UNC5C: variants seen among roughly 807,000 people sequenced by gnomAD.
The protein encoded by UNC5C is netrin receptor UNC5C.
A neutral mutation model predicts 99.8 loss-of-function variants in UNC5C; 47 were observed. The observed-to-expected ratio is 0.47, with a 90% CI of 0.37 to 0.60. The LOEUF (loss-of-function observed/expected upper bound fraction) is 0.60. Ranked by LOEUF, UNC5C falls within the 20% of genes least tolerant of loss-of-function variation. The pLI is 0.00. For synonymous variants in UNC5C, 487 were observed against 452.2 expected, an observed-to-expected ratio of 1.08 and a Z score of -0.98; for missense variants, 1,062 against 1,165.9, an observed-to-expected ratio of 0.91 and a Z score of 1.30.
intron 1 of UNC5C, among the ~76,000 whole-genome samples, chr4:95,424,745 G>C (rs1295453630): frequency 6.6e-6 from 1 of 151,630 alleles, no homozygotes; most frequent in South Asian, 2.1e-4. Flanking sequence ...GGATGGTCTG[G>C]ATCTCCTGAC....
intron 4 of UNC5C, among the ~76,000 whole-genome samples, chr4:95,255,223 G>T (rs1394465377): frequency 6.6e-6 from 1 of 151,936 alleles, no homozygotes; most frequent in African/African-American, 2.4e-5. Flanking sequence ...CAAGTGATCT[G>T]CCTGCCTTGG....
At chr4:95,315,179 G>A (rs1369755057) in intron 2 of UNC5C, among the ~76,000 whole-genome samples, 1 of 152,048 alleles carries the variant, frequency 6.6e-6, no homozygotes, top group African/African-American at 2.4e-5. Context: ...AACCTACTGT[G>A]TGCCAAGCAT....
chr4:95,264,264 T>C (rs1307428983), intron 4 of UNC5C, among the ~76,000 whole-genome samples: 1 of 152,176 alleles, frequency 6.6e-6, no homozygotes, highest in African/African-American at 2.4e-5. Flanking sequence ...AGAAAGTTTA[T>C]TCAGAAGACA....
chr4:95,186,580 A>G (rs1328367900), intron 12 of UNC5C, among the ~76,000 whole-genome samples: 1 of 152,222 alleles, frequency 6.6e-6, no homozygotes, highest in Non-Finnish European at 1.5e-5. Context: ...TTGGTGAGGC[A>G]ACTATTCTGA....
At chr4:95,169,672 T>C (rs774345520) in intron 15 of UNC5C, among the ~76,000 whole-genome samples, 2 of 152,218 alleles carry the variant, frequency 1.3e-5, no homozygotes, top group Non-Finnish European at 1.5e-5. Flanking sequence ...AAGAGACTTA[T>C]GTTTTCTTTC....
intron 3 of UNC5C, among the ~76,000 whole-genome samples, chr4:95,279,120 C>T (rs990219432): frequency 6.6e-6 from 1 of 152,106 alleles, no homozygotes; most frequent in African/African-American, 2.4e-5. Flanking sequence ...TTGATTAATA[C>T]TCTAAGTGAG....
At chr4:95,417,497 T>C (rs1447361556) in intron 1 of UNC5C, among the ~76,000 whole-genome samples, 1 of 152,184 alleles carries the variant, frequency 6.6e-6, no homozygotes, top group African/African-American at 2.4e-5. Context: ...TCTTTCAAAA[T>C]GTTTCCTTGG....
intron 1 of UNC5C, among the ~76,000 whole-genome samples, chr4:95,475,347 GA>G (rs1748110185): frequency 6.6e-6 from 1 of 151,856 alleles, no homozygotes; most frequent in Admixed American, 6.6e-5. Flanking sequence ...GGGAAATTGG[GA>G]AATTGAAGTT....
intron 1 of UNC5C, among the ~76,000 whole-genome samples, chr4:95,469,330 A>ACCAT (rs1375512116): frequency 2.0e-5 from 3 of 152,104 alleles, no homozygotes; most frequent in African/African-American, 7.2e-5. Flanking sequence ...AAATTATCGA[A>ACCAT]CCATCCTTTG....
chr4:95,277,567 T>C (rs766873810), intron 4 of UNC5C, among the ~76,000 whole-genome samples: 6 of 152,234 alleles, frequency 3.9e-5, no homozygotes, highest in Non-Finnish European at 8.8e-5. Context: ...CAATCTCTTC[T>C]GGGTCACAGA....
At chr4:95,545,772 G>GCGCGCACACACACACA (rs6148582) in intron 1 of UNC5C, among the ~76,000 whole-genome samples, 3 of 148,314 alleles carry the variant, frequency 2.0e-5, no homozygotes, top group Admixed American at 6.7e-5. Context: ...GCGCGCGCGC[G>GCGCGCACACACACACA]CACACACACA....
chr4:95,258,879 A>G (rs2149385624), intron 4 of UNC5C, among the ~76,000 whole-genome samples: 1 of 145,750 alleles, frequency 6.9e-6, no homozygotes, highest in Non-Finnish European at 1.5e-5. Flanking sequence ...CTCCTGCCTC[A>G]GCCTCCCGAG....
intron 1 of UNC5C, among the ~76,000 whole-genome samples, chr4:95,337,901 C>T (rs775133079): frequency 6.6e-6 from 1 of 151,936 alleles, no homozygotes; most frequent in African/African-American, 2.4e-5. Context: ...CCTTAGCCAA[C>T]CACAGCATAG....
chr4:95,536,307 C>T (rs926867775), intron 1 of UNC5C, among the ~76,000 whole-genome samples: 8 of 151,946 alleles, frequency 5.3e-5, no homozygotes, highest in Admixed American at 1.3e-4. Context: ...AACTCCTGAC[C>T]TCAGGCGATC....
At chr4:95,473,048 G>C (rs1560846495) in intron 1 of UNC5C, among the ~76,000 whole-genome samples, 1 of 151,918 alleles carries the variant, frequency 6.6e-6, no homozygotes, top group Non-Finnish European at 1.5e-5. Context: ...CTTATACCTT[G>C]CTCCCAACAG....
At chr4:95,195,668 G>A (rs1354003788) in intron 12 of UNC5C, among the ~76,000 whole-genome samples, 1 of 152,146 alleles carries the variant, frequency 6.6e-6, no homozygotes, top group Non-Finnish European at 1.5e-5. Flanking sequence ...CCTTCTCCCT[G>A]TAACAAGCCA....
chr4:95,386,146 G>T (rs2149443546), intron 1 of UNC5C, among the ~76,000 whole-genome samples: 1 of 152,000 alleles, frequency 6.6e-6, no homozygotes, highest in Non-Finnish European at 1.5e-5. Context: ...CCATCTCTTT[G>T]TTCCTTCTGT....
At chr4:95,402,779 A>C (rs1178298638) in intron 1 of UNC5C, among the ~76,000 whole-genome samples, 1 of 152,164 alleles carries the variant, frequency 6.6e-6, no homozygotes, top group African/African-American at 2.4e-5. Context: ...AATTAGCTAA[A>C]CCTTTCTAAA....
intron 14 of UNC5C, 98 bp from the exon 15 acceptor site, chr4:95,170,430 A>C: frequency 7.3e-7 from 1 of 1,360,610 alleles, no homozygotes. Context: ...GAGTGATAAG[A>C]AAAGAATGAA....
Sources: allele counts gnomAD v4.1 joint callset (sites outside exome capture counted in the v4.1 genomes callset), GRCh38; gene constraint gnomAD v4.1.1; transcripts MANE v1.5; gene names NCBI Gene and HGNC (gene_info 2026-07-23, HGNC 2026-07-21).